The following FER1L6 variants were observed in gnomAD, a reference collection of about 807,000 sequenced individuals.
The protein encoded by FER1L6 is fer-1 like family member 6.
In FER1L6, 177 loss-of-function variants were observed where a neutral mutation model predicts 219.2. The ratio of observed to expected loss-of-function variants is 0.81; its 90% CI spans 0.71 to 0.91. The LOEUF is 0.91. FER1L6 is among the 40% of genes least tolerant of loss of function. The probability of loss-of-function intolerance (pLI) is 0.00; values close to 1 mark genes in which losing one functional copy is unlikely to be tolerated. For missense variants in FER1L6, 2,153 were observed against 2,259.9 expected (o/e 0.95, Z 0.96); for synonymous variants, 768 against 824.3 (o/e 0.93, Z 1.17).
rs1467123296 is a variant in FER1L6, at chr8:124,106,324, G to A, written c.5289+3015G>A. 3.6e-4 allele frequency among the ~76,000 whole-genome samples: 23 copies of A among 64,354 alleles called. 1 individual carries two copies. The highest frequency in any genetic ancestry group is 2.8e-4 in the Non-Finnish European group (11 of 39,572). 42.2% of individuals were successfully genotyped at this position (64,354 alleles called of 152,430 possible). On this transcript the variant is annotated intron_variant, in intron 39 of 40. Coordinates refer to ENST00000522917, the MANE Select transcript of FER1L6 (RefSeq NM_001039112.2). ...AGCCTGGGCGACAGAGTGAGACTCT[G>A]TCTCAAAAAAAAAAAAAAAAAAAAA...
intron 12 of FER1L6, among the ~76,000 whole-genome samples, chr8:123,986,815 T>A (rs1816607509): frequency 6.6e-6 from 1 of 152,200 alleles, no homozygotes. Context: ...GATAACCTCC[T>A]GTTCCATCCA....
intron 1 of FER1L6, among the ~76,000 whole-genome samples, chr8:123,882,170 C>A (rs535727303): frequency 1.3e-3 from 189 of 149,816 alleles, no homozygotes; most frequent in Middle Eastern, 3.5e-3. Context: ...AACTCCGGCC[C>A]ACAAAACCAC....
At chr8:124,097,025 G>T (rs999098989) in intron 35 of FER1L6, among the ~76,000 whole-genome samples, 4 of 151,294 alleles carry the variant, frequency 2.6e-5, no homozygotes, top group African/African-American at 9.8e-5. Context: ...CTCAATAAAG[G>T]TTTGCTCACC....
Position 123,856,298 on chromosome 8 carries a change from A to ATGTGTGTGTG in FER1L6, c.-8+4114_-8+4115insGTGTGTGTGT, listed in dbSNP as rs1425761658. Among the ~76,000 whole-genome samples, 69 of 72,622 alleles carry ATGTGTGTGTG rather than the reference A, an allele frequency of 9.5e-4. 10 individuals are homozygous for ATGTGTGTGTG. Among genetic ancestry groups the ATGTGTGTGTG allele is most frequent in the African/African-American group, 3.2e-3 (61 of 18,868 alleles). The allele number at this position is 72,622 out of a possible 152,430, so 47.6% of individuals were successfully genotyped here. ...TGTGTATATATGTGTGTGTGTATAT[A>ATGTGTGTGTG]TATATATATATGTATGTGTATATAT... On this transcript the variant is annotated intron_variant, in intron 1 of 40. Transcript: ENST00000522917.
intron 30 of FER1L6, 69 bp downstream of exon 30, chr8:124,070,667 G>A (rs959639499): frequency 7.2e-7 from 1 of 1,381,468 alleles, no homozygotes; most frequent in Non-Finnish European, 9.8e-7. Flanking sequence ...ACTCGATTCT[G>A]TTAATGGAAT....
At chr8:123,983,298 C>T (rs772224933) in intron 11 of FER1L6, among the ~76,000 whole-genome samples, 120 of 152,112 alleles carry the variant, frequency 7.9e-4, no homozygotes, top group Non-Finnish European at 1.5e-3. Context: ...CAACTCACCC[C>T]CATTACCCCT....
chr8:123,871,873 G>C (rs1015113189), intron 1 of FER1L6, among the ~76,000 whole-genome samples: 1 of 152,188 alleles, frequency 6.6e-6, no homozygotes, highest in Non-Finnish European at 1.5e-5. Context: ...TTGATATGAT[G>C]TGATGAGAAT....
chr8:123,921,539 A>ATT (rs34702833), intron 1 of FER1L6, among the ~76,000 whole-genome samples: 52 of 141,856 alleles, frequency 3.7e-4, no homozygotes, highest in Non-Finnish European at 6.5e-4. Flanking sequence ...TAATTTTTGG[A>ATT]TTTTTTTTTT....
At chr8:123,987,424 C>A (rs965646195) in intron 12 of FER1L6, among the ~76,000 whole-genome samples, 3 of 152,010 alleles carry the variant, frequency 2.0e-5, no homozygotes, top group African/African-American at 7.3e-5. Context: ...GGTTATTAAT[C>A]CCTTGTCAGA....
At chr8:124,012,088 C>T (rs1051155240) in intron 14 of FER1L6, among the ~76,000 whole-genome samples, 22 of 152,142 alleles carry the variant, frequency 1.4e-4, no homozygotes, top group African/African-American at 4.6e-4. Context: ...CTCCTACTCC[C>T]GTGCTCCCTC....
Position 124,050,371 on chromosome 8 carries a change from GA to G in FER1L6, c.2874+616del, listed in dbSNP as rs202096402. 6.7e-3 allele frequency among the ~76,000 whole-genome samples: 1,026 copies of G among 152,224 alleles called. 14 individuals carry two copies. The highest frequency in any genetic ancestry group is 0.024 in the African/African-American group (987 of 41,532). On this transcript the variant is annotated intron_variant, in intron 22 of 40. Transcript: ENST00000522917. ...GGATTTATGAATGTGTGTCTGGGGA[GA>G]CTTTTTCAGAAAGCAGAAGCAGGTA...
At chr8:124,054,439 C>CTTCT (rs1256254644) in intron 22 of FER1L6, among the ~76,000 whole-genome samples, 1 of 152,028 alleles carries the variant, frequency 6.6e-6, no homozygotes, top group African/African-American at 2.4e-5. Flanking sequence ...TTTTTTTTAA[C>CTTCT]TTCTTTTTCA....
chr8:124,023,667 G>A (rs1458420107), intron 18 of FER1L6, 71 bp downstream of exon 18: 1 of 1,511,834 alleles, frequency 6.6e-7, no homozygotes, highest in Non-Finnish European at 9.0e-7. Context: ...ACTTTCTAGT[G>A]TGTGTCCATG....
intron 33 of FER1L6, among the ~76,000 whole-genome samples, chr8:124,089,570 G>C (rs140327056): frequency 9.7e-4 from 148 of 152,132 alleles, no homozygotes; most frequent in African/African-American, 3.2e-3. Flanking sequence ...TTTGAATGCT[G>C]CTTAATTTTA....
intron 17 of FER1L6, among the ~76,000 whole-genome samples, chr8:124,022,755 A>G (rs1469907110): frequency 6.6e-6 from 1 of 152,188 alleles, no homozygotes; most frequent in African/African-American, 2.4e-5. Context: ...TTAAAACTAA[A>G]TCATTATTAC....
rs1359784795 is a variant in FER1L6 at position 123,852,352 on chromosome 8, C to A, written c.-8+167C>A. Among the ~76,000 whole-genome samples, 2 of 152,136 alleles carry A rather than the reference C, an allele frequency of 1.3e-5. No homozygotes were observed. Among genetic ancestry groups the A allele is most frequent in the African/African-American group, 4.8e-5 (2 of 41,436 alleles). The stretch of plus-strand genomic sequence containing the variant: ...CCTCCAGGTAGCTGGCTGGTCACCC[C>A]AGGGAATGGTGCCATATATTGGGGA... On this transcript the variant is annotated intron_variant, in intron 1 of 40. Coordinates refer to ENST00000522917, the MANE Select transcript of FER1L6 (RefSeq NM_001039112.2). The surrounding 1 kb of genome is among the most constrained non-coding windows in gnomAD (Gnocchi z 4.9).
chr8:124,073,631 C>T (rs1821167149), intron 31 of FER1L6, among the ~76,000 whole-genome samples: 1 of 151,956 alleles, frequency 6.6e-6, no homozygotes, highest in Non-Finnish European at 1.5e-5. Context: ...ATGTATAGGT[C>T]TTCATTCCTT....
At chr8:123,933,541 G>C (rs1052105758) in intron 1 of FER1L6, among the ~76,000 whole-genome samples, 3 of 152,208 alleles carry the variant, frequency 2.0e-5, no homozygotes, top group African/African-American at 7.2e-5. Flanking sequence ...GCACACACAT[G>C]TGAGTGCATG....
At chr8:124,075,025 G>A (rs1255605857) in intron 31 of FER1L6, among the ~76,000 whole-genome samples, 8 of 152,204 alleles carry the variant, frequency 5.3e-5, no homozygotes, top group Non-Finnish European at 1.2e-4. Context: ...TCACTGAGTG[G>A]TGAGTGAATG....
Sources: gnomAD v4.1 joint callset for allele counts (sites outside exome capture counted in the v4.1 genomes callset) on GRCh38, gnomAD v4.1.1 for gene constraint, Gnocchi (gnomAD v3.1) non-coding constraint, MANE v1.5 for transcripts, NCBI Gene and HGNC (gene_info 2026-07-23, HGNC 2026-07-21) for gene names.